The following PDE4D variants were observed in gnomAD, a reference collection of about 807,000 sequenced individuals.
PDE4D encodes the protein phosphodiesterase 4D.
Under a neutral mutation model 87.4 loss-of-function variants are expected in PDE4D, and 24 were observed. That is an observed-to-expected ratio of 0.27 (90% CI 0.20 to 0.39). PDE4D has a LOEUF of 0.39. Ranked by LOEUF, PDE4D falls within the 10% of genes least tolerant of loss-of-function variation. The pLI, the probability that PDE4D is intolerant of heterozygous loss-of-function variation, is 1.00. For missense variants in PDE4D, 714 were observed against 1,041.0 expected (o/e 0.69, Z 4.32); for synonymous variants, 384 against 383.2 (o/e 1.00, Z -0.02).
intron 6 of PDE4D, among the ~76,000 whole-genome samples, chr5:59,016,415 G>A (rs10472091): frequency 0.15 from 11,856 of 79,036 alleles, 778 homozygotes; most frequent in Non-Finnish European, 0.18. Context: ...TTTTTTTAAT[G>A]TAGTCCATAG....
intron 5 of PDE4D, among the ~76,000 whole-genome samples, chr5:59,153,333 T>C (rs1391674608): frequency 6.6e-6 from 1 of 152,228 alleles, no homozygotes; most frequent in African/African-American, 2.4e-5. Context: ...AAACATGTCC[T>C]TGTTCAGGAC....
At chr5:59,397,701 G>A (rs1468064088) in intron 1 of PDE4D, among the ~76,000 whole-genome samples, 1 of 117,904 alleles carries the variant, frequency 8.5e-6, no homozygotes, top group African/African-American at 3.4e-5. Context: ...ACATTCAAAA[G>A]CTAGCAGAAG....
intron 6 of PDE4D, 97 bp downstream of exon 6, chr5:59,038,762 C>G: frequency 4.6e-3 from 4,675 of 1,025,930 alleles, no homozygotes; most frequent in Non-Finnish European, 5.7e-3. Flanking sequence ...GCCTAAAAAA[C>G]CTCTCAATTT....
intron 1 of PDE4D, among the ~76,000 whole-genome samples, chr5:59,705,701 C>G (rs146734880): frequency 1.3e-3 from 203 of 152,286 alleles, no homozygotes; most frequent in Middle Eastern, 3.4e-3. Flanking sequence ...TCCATTTTAT[C>G]ATGTACTTAA....
intron 1 of PDE4D, among the ~76,000 whole-genome samples, chr5:59,469,117 G>A (rs963037940): frequency 6.6e-6 from 1 of 152,140 alleles, no homozygotes; most frequent in Non-Finnish European, 1.5e-5. Context: ...CACGAGGTCA[G>A]GAGATCGAGA....
chr5:59,533,326 T>G (rs1242191240), intron 1 of PDE4D, among the ~76,000 whole-genome samples: 1 of 152,260 alleles, frequency 6.6e-6, no homozygotes. Flanking sequence ...GGAACTCATA[T>G]GCTTATATTT....
At chr5:60,121,510 GC>G (rs1427895904) in intron 2 of PDE4D, among the ~76,000 whole-genome samples, 1 of 152,066 alleles carries the variant, frequency 6.6e-6, no homozygotes, top group African/African-American at 2.4e-5. Flanking sequence ...CAAGTTGGTG[GC>G]AAGAGAAAAT....
At chr5:60,369,329 G>A (rs933625705) in intron 1 of PDE4D, among the ~76,000 whole-genome samples, 1 of 152,046 alleles carries the variant, frequency 6.6e-6, no homozygotes, top group Non-Finnish European at 1.5e-5. Flanking sequence ...CAGGGAAACC[G>A]CCACCAGAAC....
intron 1 of PDE4D, among the ~76,000 whole-genome samples, chr5:60,369,312 G>A (rs1159302891): frequency 1.3e-5 from 2 of 152,016 alleles, no homozygotes; most frequent in Non-Finnish European, 2.9e-5. Context: ...GGGAATGGTG[G>A]GCAGCCCAGG....
chr5:59,490,473 G>A (rs1220808546), intron 1 of PDE4D, among the ~76,000 whole-genome samples: 1 of 151,994 alleles, frequency 6.6e-6, no homozygotes, highest in African/African-American at 2.4e-5. Flanking sequence ...AGATGAAGCT[G>A]GAGACATAAA....
intron 2 of PDE4D, among the ~76,000 whole-genome samples, chr5:60,179,280 T>C (rs539797681): frequency 2.0e-4 from 31 of 152,218 alleles, no homozygotes; most frequent in African/African-American, 7.2e-4. Context: ...TCATGGCTTT[T>C]AATTTGCACA....
chr5:60,031,765 G>C (rs1348151180), intron 2 of PDE4D, among the ~76,000 whole-genome samples: 1 of 152,002 alleles, frequency 6.6e-6, no homozygotes, highest in Non-Finnish European at 1.5e-5. Context: ...TATAATAAGA[G>C]AAAGAGAGAG....
intron 1 of PDE4D, among the ~76,000 whole-genome samples, chr5:60,464,408 G>A (rs1011833634): frequency 6.6e-6 from 1 of 152,180 alleles, no homozygotes; most frequent in Non-Finnish European, 1.5e-5. Context: ...CAGTAGAGAA[G>A]CAGATTATGA....
At chr5:60,485,330 G>C (rs2150224987) in intron 1 of PDE4D, among the ~76,000 whole-genome samples, 1 of 151,048 alleles carries the variant, frequency 6.6e-6, no homozygotes, top group South Asian at 2.1e-4. Context: ...AATCAAATCA[G>C]TCCTATATAT....
intron 1 of PDE4D, among the ~76,000 whole-genome samples, chr5:59,858,272 A>G (rs966610815): frequency 6.6e-6 from 1 of 151,988 alleles, no homozygotes; most frequent in Admixed American, 6.6e-5. Context: ...TCAAGTCTCA[A>G]CTATGGTGAT....
intron 5 of PDE4D, among the ~76,000 whole-genome samples, chr5:59,080,821 A>C (rs1414119068): frequency 6.6e-6 from 1 of 152,212 alleles, no homozygotes; most frequent in Non-Finnish European, 1.5e-5. Flanking sequence ...TAGACCATGA[A>C]ACATGTTATA....
intron 6 of PDE4D, among the ~76,000 whole-genome samples, chr5:59,037,417 T>C (rs1758717428): frequency 6.6e-6 from 1 of 152,226 alleles, no homozygotes. Context: ...ATATTCAGCA[T>C]ATGTCTACTG....
intron 5 of PDE4D, chr5:59,039,445 G>A (rs889838263): frequency 9.1e-6 from 9 of 992,752 alleles, no homozygotes; most frequent in Non-Finnish European, 9.6e-6. Flanking sequence ...CGCCCGCCCC[G>A]CCTGCCGAGC....
chr5:59,565,434 C>T (rs769781818), intron 1 of PDE4D, among the ~76,000 whole-genome samples: 11 of 152,110 alleles, frequency 7.2e-5, no homozygotes, highest in Non-Finnish European at 1.6e-4. Context: ...TGGGAGGATG[C>T]CTTGAGCTCA....
Sources: gnomAD v4.1 joint callset for allele counts (sites outside exome capture counted in the v4.1 genomes callset) on GRCh38, gnomAD v4.1.1 for gene constraint, MANE v1.5 for transcripts, NCBI Gene and HGNC (gene_info 2026-07-23, HGNC 2026-07-21) for gene names.